The following PTPN2 variants were observed in gnomAD, a reference collection of about 807,000 sequenced individuals.
PTPN2 encodes the protein protein tyrosine phosphatase non-receptor type 2, also known as tyrosine-protein phosphatase non-receptor type 2.
PTPN2 carries 19 observed loss-of-function variants against 57.3 expected under a neutral mutation model. The observed-to-expected ratio is 0.33, with a 90% confidence interval of 0.23 to 0.49. The LOEUF is 0.49. Ranked by LOEUF, PTPN2 falls within the 20% of genes least tolerant of loss-of-function variation. The pLI is 0.99. For missense variants in PTPN2, 358 were observed against 501.1 expected (o/e 0.71, Z 2.73); for synonymous variants, 153 against 164.9 (o/e 0.93, Z 0.55).
At chr18:12,878,356 A>C (rs2044561863) in intron 1 of PTPN2, among the ~76,000 whole-genome samples, 1 of 150,108 alleles carries the variant, frequency 6.7e-6, no homozygotes, top group Non-Finnish European at 1.5e-5. Flanking sequence ...AGAAAGAAAA[A>C]GGAAAAAAAG....
At chr18:12,785,873 T>C in intron 9 of PTPN2, 1 of 1,565,556 alleles carries the variant, frequency 6.4e-7, no homozygotes, top group East Asian at 2.2e-5. Context: ...AGTCATCTAT[T>C]CAATTCATAT....
chr18:12,876,284 G>C (rs1028331896), intron 1 of PTPN2, among the ~76,000 whole-genome samples: 1 of 135,686 alleles, frequency 7.4e-6, no homozygotes, highest in African/African-American at 2.8e-5. Flanking sequence ...TGGCCAACAA[G>C]AACAACAACA....
At chr18:12,860,414 T>C (rs1232577820) in intron 1 of PTPN2, among the ~76,000 whole-genome samples, 2 of 151,160 alleles carry the variant, frequency 1.3e-5, no homozygotes, top group East Asian at 1.9e-4. Flanking sequence ...CTGGCCAGGA[T>C]GGTGAAACCT....
chr18:12,824,649 A>C (rs74862515), intron 5 of PTPN2, among the ~76,000 whole-genome samples: 1 of 152,186 alleles, frequency 6.6e-6, no homozygotes, highest in African/African-American at 2.4e-5. Flanking sequence ...TTCTATTACA[A>C]CACAAAGAGG....
chr18:12,833,185 T>C (rs2042729663), intron 3 of PTPN2, among the ~76,000 whole-genome samples: 1 of 152,194 alleles, frequency 6.6e-6, no homozygotes, highest in African/African-American at 2.4e-5. Context: ...ACAGACATAA[T>C]ACACCAAGGA....
chr18:12,871,606 CT>C (rs1343903929), intron 1 of PTPN2, among the ~76,000 whole-genome samples: 1 of 151,584 alleles, frequency 6.6e-6, no homozygotes, highest in African/African-American at 2.4e-5. Flanking sequence ...AAACTTAAAC[CT>C]TTTTTCTCTA....
intron 1 of PTPN2, chr18:12,862,404 C>T (rs1231845280): frequency 6.6e-6 from 1 of 152,316 alleles, no homozygotes; most frequent in Non-Finnish European, 1.5e-5. Flanking sequence ...AGTGATCCGC[C>T]CGCCTCAGCC....
At chr18:12,874,569 C>T (rs1161656432) in intron 1 of PTPN2, among the ~76,000 whole-genome samples, 2 of 126,360 alleles carry the variant, frequency 1.6e-5, no homozygotes, top group African/African-American at 3.1e-5. Context: ...CCAGCCGCCC[C>T]GTCCGGGAGG....
At chr18:12,805,241 G>A (rs2041597544) in intron 7 of PTPN2, among the ~76,000 whole-genome samples, 1 of 152,070 alleles carries the variant, frequency 6.6e-6, no homozygotes, top group South Asian at 2.1e-4. Flanking sequence ...TGAATCACTT[G>A]AGGTCAGGCG....
At chr18:12,875,286 A>G (rs998520850) in intron 1 of PTPN2, among the ~76,000 whole-genome samples, 1 of 150,728 alleles carries the variant, frequency 6.6e-6, no homozygotes, top group South Asian at 2.1e-4. Context: ...TCTGTGAGAA[A>G]CACCCAAGAA....
intron 6 of PTPN2, among the ~76,000 whole-genome samples, chr18:12,815,133 T>TAAAA (rs750610956): frequency 0.045 from 6,382 of 140,302 alleles, 232 homozygotes; most frequent in Non-Finnish European, 0.069. Flanking sequence ...AATAAATAAA[T>TAAAA]AAAAATGTGG....
At chr18:12,869,307 G>C (rs992934754) in intron 1 of PTPN2, among the ~76,000 whole-genome samples, 1 of 152,128 alleles carries the variant, frequency 6.6e-6, no homozygotes, top group Non-Finnish European at 1.5e-5. Context: ...CTCCCAAGTA[G>C]GTGGGACTGC....
chr18:12,797,225 G>C (rs1006119450), intron 8 of PTPN2, among the ~76,000 whole-genome samples: 3 of 152,018 alleles, frequency 2.0e-5, no homozygotes, highest in Non-Finnish European at 4.4e-5. Context: ...CAGGAGCCTG[G>C]GGGTATCGTT....
intron 7 of PTPN2, among the ~76,000 whole-genome samples, chr18:12,809,231 C>T (rs1056343357): frequency 6.6e-6 from 1 of 152,180 alleles, no homozygotes; most frequent in African/African-American, 2.4e-5. Flanking sequence ...AGGATGTCAT[C>T]ATCTACCCTG....
In PTPN2 at chr18:12,820,728, A is replaced by G. The variant is rs146329295; in HGVS notation, c.496-3363T>C. Among the ~76,000 whole-genome samples, 55 of 152,290 alleles carry G rather than the reference A, an allele frequency of 3.6e-4. 1 individual carries two copies. In the East Asian group the frequency reaches 0.01, roughly 28 times the overall value. ...TACACACACGCGGGTTGCACCCACA[A>G]TTATAGGCTGTCCCTGTCTGCAGCC... On this transcript the variant is annotated intron_variant, in intron 5 of 8. Transcript: ENST00000309660.
At chr18:12,848,126 T>C (rs1202937465) in intron 2 of PTPN2, among the ~76,000 whole-genome samples, 4 of 152,190 alleles carry the variant, frequency 2.6e-5, no homozygotes, top group East Asian at 1.9e-4. Context: ...TCTATACTTA[T>C]TCGGATTATT....
chr18:12,849,578 A>AAAT (rs1485048828), intron 2 of PTPN2, among the ~76,000 whole-genome samples: 4 of 85,214 alleles, frequency 4.7e-5, no homozygotes, highest in Admixed American at 2.3e-4. Flanking sequence ...AATAAATAAA[A>AAAT]AATAAAAAAG....
In PTPN2 at chr18:12,876,946, T is replaced by C. The variant is rs76299009; in HGVS notation, c.69+7127A>G. Among the ~76,000 whole-genome samples the C allele has an allele frequency of 1.4e-3, 220 of 152,292 alleles. 1 individual carries two copies. The highest frequency in any genetic ancestry group is 2.6e-3 in the Non-Finnish European group (174 of 68,012). On this transcript the variant is annotated intron_variant, in intron 1 of 8. Coordinates refer to ENST00000309660, the MANE Select transcript of PTPN2 (RefSeq NM_002828.4). ...TGTGCCACTGATCTCAAATAGATCA[T>C]AAGAAGAAAGCACTACAGGTAGTCA...
At chr18:12,805,395 A>C (rs1296142225) in intron 7 of PTPN2, among the ~76,000 whole-genome samples, 1 of 151,172 alleles carries the variant, frequency 6.6e-6, no homozygotes, top group East Asian at 2.0e-4. Flanking sequence ...AGGCGGAGGT[A>C]GCAGTGAGCC....
Sources: allele counts gnomAD v4.1 joint callset (sites outside exome capture counted in the v4.1 genomes callset), GRCh38; gene constraint gnomAD v4.1.1; transcripts MANE v1.5; gene names NCBI Gene and HGNC (gene_info 2026-07-23, HGNC 2026-07-21).